ITFG1: variants seen among roughly 807,000 people sequenced by gnomAD.
The protein encoded by ITFG1 is T-cell immunomodulatory protein.
A neutral mutation model predicts 81.8 loss-of-function variants in ITFG1; 34 were observed. That is an observed-to-expected ratio of 0.42 (90% CI 0.32 to 0.55). The LOEUF is 0.55. ITFG1 is among the 20% of genes least tolerant of loss of function. The probability of loss-of-function intolerance (pLI) is 0.17; values close to 1 mark genes in which losing one functional copy is unlikely to be tolerated. For synonymous variants in ITFG1, 285 were observed against 270.6 expected (o/e 1.05, Z -0.52); for missense variants, 672 against 755.4 (o/e 0.89, Z 1.29).
chr16:47,302,196 T>C (rs766712439), intron 10 of ITFG1, among the ~76,000 whole-genome samples: 1 of 152,194 alleles, frequency 6.6e-6, no homozygotes, highest in Non-Finnish European at 1.5e-5. Flanking sequence ...GGAACTTGTA[T>C]TTGCTTTTTT....
At chr16:47,166,745 TA>T (rs1323793872) in intron 14 of ITFG1, among the ~76,000 whole-genome samples, 3 of 34,846 alleles carry the variant, frequency 8.6e-5, no homozygotes, top group Non-Finnish European at 1.9e-4. Flanking sequence ...CCTTCACTAT[TA>T]AAAAAAGAAT....
At chr16:47,282,556 T>C (rs1343518224) in intron 10 of ITFG1, among the ~76,000 whole-genome samples, 8 of 152,168 alleles carry the variant, frequency 5.3e-5, no homozygotes, top group Non-Finnish European at 4.4e-5. Context: ...AAAAAACATA[T>C]GAGTACAGGT....
chr16:47,416,714 G>A (rs1217662856), intron 6 of ITFG1, among the ~76,000 whole-genome samples: 1 of 152,076 alleles, frequency 6.6e-6, no homozygotes, highest in Non-Finnish European at 1.5e-5. Flanking sequence ...CTCTCCCTCT[G>A]CCTTCCAACA....
intron 8 of ITFG1, among the ~76,000 whole-genome samples, chr16:47,352,701 T>C (rs1967979116): frequency 6.6e-6 from 1 of 152,168 alleles, no homozygotes; most frequent in African/African-American, 2.4e-5. Context: ...AGCCGTCCCA[T>C]TACTGGGTAT....
At chr16:47,284,331 G>A (rs919335389) in intron 10 of ITFG1, among the ~76,000 whole-genome samples, 1 of 152,130 alleles carries the variant, frequency 6.6e-6, no homozygotes, top group South Asian at 2.1e-4. Flanking sequence ...GAAAAAAAGA[G>A]CACCAATAAG....
At chr16:47,226,929 A>G (rs1965765379) in intron 13 of ITFG1, among the ~76,000 whole-genome samples, 1 of 152,214 alleles carries the variant, frequency 6.6e-6, no homozygotes, top group Admixed American at 6.5e-5. Context: ...TTTAAAAACA[A>G]TATCATTTAA....
intron 6 of ITFG1, among the ~76,000 whole-genome samples, chr16:47,423,797 G>A (rs1160824268): frequency 2.6e-5 from 4 of 152,196 alleles, no homozygotes; most frequent in South Asian, 2.1e-4. Context: ...TGAGAGATCC[G>A]CTGTTAGTCT....
At chr16:47,313,674 A>AT (rs780908915) in intron 9 of ITFG1, 55 bp downstream of exon 9, 32 of 946,102 alleles carry the variant, frequency 3.4e-5, no homozygotes, top group Non-Finnish European at 4.5e-5. Context: ...ACCTTAGAAG[A>AT]TTTTTTTCCA....
chr16:47,254,399 T>G (rs552700076), intron 12 of ITFG1, among the ~76,000 whole-genome samples: 1 of 152,118 alleles, frequency 6.6e-6, no homozygotes, highest in Non-Finnish European at 1.5e-5. Context: ...TTATTATTAT[T>G]ATTATTACAA....
intron 14 of ITFG1, among the ~76,000 whole-genome samples, chr16:47,187,034 C>G (rs990858871): frequency 2.6e-5 from 4 of 152,062 alleles, no homozygotes; most frequent in Non-Finnish European, 4.4e-5. Context: ...GAATCAAATA[C>G]CTAGGAATCC....
chr16:47,214,954 A>G (rs960360456), intron 14 of ITFG1, among the ~76,000 whole-genome samples: 16 of 150,650 alleles, frequency 1.1e-4, no homozygotes, highest in African/African-American at 4.0e-4. Flanking sequence ...ACACACACAC[A>G]CACACACGCA....
At chr16:47,439,247 T>C (rs147440808) in intron 5 of ITFG1, among the ~76,000 whole-genome samples, 3,739 of 152,270 alleles carry the variant, frequency 0.025, 63 homozygotes, top group South Asian at 0.059. Context: ...TGGAACCAAG[T>C]TGGAAAACAC....
In ITFG1 at chr16:47,368,555, CAAAAAAAAAAAAAAA is replaced by C. The variant is rs35965452; in HGVS notation, c.721-2701_721-2687del. ...TGGGTGACAGAGCAAGACTCCATCT[CAAAAAAAAAAAAAAA>C]AAAAAAAAAAAAAAAGATCACAGCA... On this transcript the variant is annotated intron_variant, in intron 7 of 17. Coordinates refer to ENST00000320640, the MANE Select transcript of ITFG1 (RefSeq NM_030790.5). Among the ~76,000 whole-genome samples, 8 of 33,576 alleles carry C rather than the reference CAAAAAAAAAAAAAAA, an allele frequency of 2.4e-4. 1 individual carries two copies. The highest frequency in any genetic ancestry group is 4.1e-4 in the African/African-American group (3 of 7,316). 22.0% of individuals were successfully genotyped at this position (33,576 alleles called of 152,430 possible).
At chr16:47,216,534 C>G (rs1965626815) in intron 14 of ITFG1, among the ~76,000 whole-genome samples, 1 of 152,098 alleles carries the variant, frequency 6.6e-6, no homozygotes, top group Non-Finnish European at 1.5e-5. Flanking sequence ...GAACTGAAAA[C>G]TAGTCAACAG....
chr16:47,280,298 A>C (rs982851880), intron 10 of ITFG1, among the ~76,000 whole-genome samples: 7 of 152,080 alleles, frequency 4.6e-5, no homozygotes, highest in African/African-American at 1.7e-4. Context: ...TTGTATTCCC[A>C]TATTTCTGAG....
At chr16:47,409,374 C>CTATATATATATATATATATATA (rs1187875461) in intron 6 of ITFG1, among the ~76,000 whole-genome samples, 6 of 20,988 alleles carry the variant, frequency 2.9e-4, no homozygotes, top group East Asian at 0.012. Context: ...TACACACACA[C>CTATATATATATATATATATATA]TATATATATA....
chr16:47,233,786 C>G (rs1965842602), intron 13 of ITFG1, among the ~76,000 whole-genome samples: 1 of 152,196 alleles, frequency 6.6e-6, no homozygotes, highest in Non-Finnish European at 1.5e-5. Context: ...AGAGTGAGAC[C>G]TAATGACAAG....
intron 12 of ITFG1, among the ~76,000 whole-genome samples, chr16:47,248,707 T>G (rs1966030833): frequency 6.6e-6 from 1 of 152,214 alleles, no homozygotes; most frequent in South Asian, 2.1e-4. Flanking sequence ...GAATTTACTA[T>G]GATTACAGCA....
At chr16:47,341,154 C>A (rs1356208667) in intron 8 of ITFG1, among the ~76,000 whole-genome samples, 1 of 151,686 alleles carries the variant, frequency 6.6e-6, no homozygotes, top group Non-Finnish European at 1.5e-5. Context: ...GTAGCTTAGG[C>A]CTATAATCCC....
Sources: gnomAD v4.1 joint callset for allele counts (sites outside exome capture counted in the v4.1 genomes callset) on GRCh38, gnomAD v4.1.1 for gene constraint, MANE v1.5 for transcripts, NCBI Gene and HGNC (gene_info 2026-07-23, HGNC 2026-07-21) for gene names.